The following KCNMA1 variants were observed in gnomAD, a reference collection of about 807,000 sequenced individuals.
KCNMA1 encodes the protein Calcium-activated potassium channel subunit alpha-1.
Under a neutral mutation model 140.0 loss-of-function variants are expected in KCNMA1, and 29 were observed. The ratio of observed to expected loss-of-function variants is 0.21; its 90% confidence interval spans 0.15 to 0.28. The LOEUF (loss-of-function observed/expected upper bound fraction) is 0.28. Among genes scored for constraint, KCNMA1 ranks in the 10% least tolerant of loss-of-function variants. The pLI is 1.00. For missense variants in KCNMA1, 880 were observed against 1,602.2 expected (o/e 0.55, Z 7.70); for synonymous variants, 612 against 611.9 (o/e 1.00, Z 0.00).
chr10:77,549,096 G>A (rs1019727927), intron 1 of KCNMA1, among the ~76,000 whole-genome samples: 10 of 152,172 alleles, frequency 6.6e-5, no homozygotes. Context: ...TCATTCATTG[G>A]GAACTATTCT....
At chr10:76,896,031 T>C in intron 25 of KCNMA1, among the ~76,000 whole-genome samples, 1 of 152,222 alleles carries the variant, frequency 6.6e-6, no homozygotes, top group East Asian at 1.9e-4. Context: ...GGCGTTGTCA[T>C]TGATAATCAT....
Position 77,445,424 on chromosome 10 carries a change from T to G in KCNMA1, c.379-41401A>C, listed in dbSNP as rs554077162. On this transcript the variant is annotated intron_variant, in intron 1 of 27. Transcript: ENST00000286628. ...TGAAAAATAAAAAAAATCTTGCAAT[T>G]ATTCAAAAGAAACTATGGTTGATTT... 1.2e-3 allele frequency among the ~76,000 whole-genome samples: 190 copies of G among 152,024 alleles called. 2 individuals carry two copies. The highest frequency in any genetic ancestry group is 4.4e-3 in the African/African-American group (183 of 41,454).
At chr10:77,405,470 C>T (rs1351085056) in intron 1 of KCNMA1, among the ~76,000 whole-genome samples, 1 of 152,212 alleles carries the variant, frequency 6.6e-6, no homozygotes. Context: ...GCTACAAAGG[C>T]TGGGTTTAGT....
At chr10:77,091,850 G>A (rs1016148667) in intron 9 of KCNMA1, 2 of 152,332 alleles carry the variant, frequency 1.3e-5, no homozygotes, top group Middle Eastern at 3.4e-3. Flanking sequence ...CTGCCCTTTC[G>A]TTGTAATTTG....
intron 1 of KCNMA1, among the ~76,000 whole-genome samples, chr10:77,434,654 T>G (rs2097219439): frequency 6.6e-6 from 1 of 152,138 alleles, no homozygotes; most frequent in South Asian, 2.1e-4. Flanking sequence ...ACGGGTGAAA[T>G]AGATGAATAC....
intron 3 of KCNMA1, among the ~76,000 whole-genome samples, chr10:77,213,339 T>C (rs977664895): frequency 6.6e-6 from 1 of 152,096 alleles, no homozygotes; most frequent in East Asian, 1.9e-4. Flanking sequence ...ACTTTTATAC[T>C]CCACAGGAAT....
At chr10:77,100,248 A>C (rs531476004) in intron 9 of KCNMA1, among the ~76,000 whole-genome samples, 29 of 152,278 alleles carry the variant, frequency 1.9e-4, no homozygotes, top group African/African-American at 7.0e-4. Context: ...AGTTTTCCTA[A>C]GGCTGTTCTA....
chr10:77,465,204 T>A (rs1249546747), intron 1 of KCNMA1, among the ~76,000 whole-genome samples: 1 of 152,222 alleles, frequency 6.6e-6, no homozygotes, highest in Non-Finnish European at 1.5e-5. Flanking sequence ...TAGGCCACGA[T>A]CCCTGCAGCA....
chr10:77,408,214 C>A (rs777099026), intron 1 of KCNMA1, among the ~76,000 whole-genome samples: 1 of 152,228 alleles, frequency 6.6e-6, no homozygotes, highest in Non-Finnish European at 1.5e-5. Context: ...CCTGGCCCCA[C>A]AGGATACTGC....
intron 12 of KCNMA1, among the ~76,000 whole-genome samples, chr10:77,084,062 C>T (rs1369702850): frequency 6.6e-6 from 1 of 152,156 alleles, no homozygotes; most frequent in Non-Finnish European, 1.5e-5. Context: ...ATGCCGTAGA[C>T]ACACTTGGAA....
chr10:77,152,468 A>G (rs2098434349), intron 5 of KCNMA1, among the ~76,000 whole-genome samples: 1 of 152,126 alleles, frequency 6.6e-6, no homozygotes, highest in South Asian at 2.1e-4. Flanking sequence ...ATGGGAAAGC[A>G]TCCATAAAGA....
At chr10:77,043,879 C>T (rs978743955) in intron 14 of KCNMA1, among the ~76,000 whole-genome samples, 2 of 152,124 alleles carry the variant, frequency 1.3e-5, no homozygotes, top group Admixed American at 6.5e-5. Flanking sequence ...GAGACAGTGT[C>T]CGTTTTGCAA....
intron 19 of KCNMA1, among the ~76,000 whole-genome samples, chr10:76,975,868 G>C (rs914518600): frequency 6.6e-6 from 1 of 152,072 alleles, no homozygotes. Context: ...GGTGTGCAGT[G>C]GTGTTATCTT....
intron 5 of KCNMA1, among the ~76,000 whole-genome samples, chr10:77,153,118 T>C (rs919590604): frequency 6.6e-6 from 1 of 152,214 alleles, no homozygotes; most frequent in Non-Finnish European, 1.5e-5. Flanking sequence ...AGGATTCTTA[T>C]GGTTAAGAAA....
At chr10:77,346,484 A>C (rs1458122523) in intron 2 of KCNMA1, among the ~76,000 whole-genome samples, 2 of 152,144 alleles carry the variant, frequency 1.3e-5, no homozygotes, top group East Asian at 3.9e-4. Flanking sequence ...CACAGTTTTG[A>C]AACTGCTAAC....
chr10:77,166,752 G>C (rs1294167823), intron 5 of KCNMA1, among the ~76,000 whole-genome samples: 1 of 152,132 alleles, frequency 6.6e-6, no homozygotes, highest in African/African-American at 2.4e-5. Flanking sequence ...AGGGGAGAAG[G>C]AGGTAACTGC....
At chr10:77,614,715 A>T (rs1314068119) in intron 1 of KCNMA1, among the ~76,000 whole-genome samples, 1 of 152,174 alleles carries the variant, frequency 6.6e-6, no homozygotes, top group African/African-American at 2.4e-5. Context: ...AGAGGAACCC[A>T]GGTCCTTGCA....
At chr10:77,275,462 G>C (rs1048441641) in intron 2 of KCNMA1, among the ~76,000 whole-genome samples, 1 of 152,178 alleles carries the variant, frequency 6.6e-6, no homozygotes, top group African/African-American at 2.4e-5. Context: ...GTATTTTAGA[G>C]GAGAAAACTG....
At chr10:77,350,058 C>T (rs1014599074) in intron 2 of KCNMA1, among the ~76,000 whole-genome samples, 1 of 152,050 alleles carries the variant, frequency 6.6e-6, no homozygotes. Context: ...GCCACCACAC[C>T]CGGCTAATTT....
Sources: allele counts gnomAD v4.1 joint callset (sites outside exome capture counted in the v4.1 genomes callset), GRCh38; gene constraint gnomAD v4.1.1; transcripts MANE v1.5; gene names NCBI Gene and HGNC (gene_info 2026-07-23, HGNC 2026-07-21).